Variants in PYGM observed in about 807,000 individuals in gnomAD.
The protein encoded by PYGM is glycogen phosphorylase, muscle associated, also known as glycogen phosphorylase, muscle form.
PYGM carries 81 observed loss-of-function variants against 99.3 expected under a neutral mutation model. The ratio of observed to expected loss-of-function variants is 0.82; its 90% confidence interval spans 0.68 to 0.98. PYGM has a LOEUF of 0.98. PYGM is among the 50% of genes least tolerant of loss of function. The pLI, the probability that PYGM is intolerant of heterozygous loss-of-function variation, is 0.00. For synonymous variants in PYGM, 436 were observed against 451.5 expected, an observed-to-expected ratio of 0.97 and a Z score of 0.44; for missense variants, 1,030 against 1,158.1, an observed-to-expected ratio of 0.89 and a Z score of 1.61.
rs1251258706 is a variant in PYGM, at chr11:64,746,975, G to A, written c.2325C>T (p.Phe775=). ...ATTTAATGTAGTCTTCATAATCTGCGAAGACTTTAAACCTGGAGGGGAAAG... is the reference window on the plus strand; with the variant it reads ...ATTTAATGTAGTCTTCATAATCTGCAAAGACTTTAAACCTGGAGGGGAAAG... ...MLMHHDRFKV[F]ADYEDYIKCQ... Residue 775 remains phenylalanine, a synonymous_variant, in exon 19 of 20, where the codon TTC becomes TTT. Transcript: ENST00000164139. 6 of 1,614,014 alleles carry A rather than the reference G, an allele frequency of 3.7e-6. No individual in the cohort carries two copies. The highest frequency in any genetic ancestry group is 5.1e-6 in the Non-Finnish European group (6 of 1,180,016).
At position 64,754,705 on chromosome 11, in the gene PYGM, G is replaced by A. The variant is rs1565536189; in HGVS notation, c.987C>T (p.Ala329=). The A allele has an allele frequency of 6.2e-7, 1 of 1,613,658 alleles. No individual in the cohort carries two copies. The highest frequency in any genetic ancestry group is 8.5e-7 in the Non-Finnish European group (1 of 1,179,972). The part of the protein sequence containing the change: ...CRDPVRTNFD[A]FPDKVAIQLN... ...ACACGCATGGTACCTTATCTGGGAA[G>A]GCATCGAAGTTCGTGCGCACGGGAT... is the stretch of plus-strand genomic sequence containing the variant. The change falls in exon 8 of 20, where the codon GCC becomes GCT. Residue 329 remains alanine, a synonymous_variant. Transcript: ENST00000164139. The surrounding 1 kb of genome is among the most constrained non-coding windows in gnomAD (Gnocchi z 5.5).
chr11:64,758,238 C>T lies in PYGM; in HGVS notation c.528+8G>A. On this transcript the variant is annotated splice_region_variant and intron_variant, in intron 4 of 19. Coordinates refer to ENST00000164139, the MANE Select transcript of PYGM (RefSeq NM_005609.4). The stretch of plus-strand genomic sequence containing the variant: ...TAGACCCCACAAGTTAGAGCCAAGG[C>T]TGCTCACCTGCCAGCCCCCGGAGAT... 6.2e-7 allele frequency: 1 copy of T among 1,604,650 alleles called. No homozygotes were observed. Among genetic ancestry groups the T allele is most frequent in the Non-Finnish European group, 8.5e-7 (1 of 1,171,374 alleles).
Position 64,753,682 on chromosome 11 carries a change from G to A in PYGM, c.1240C>T (p.Arg414Trp), listed in dbSNP as rs11231866. ...IYEINQRFLN[R>W]VAAAFPGDVD... ...TCCCCTGGGAATGCGGCCGCCACCC[G>A]CTGTGCCCAGAGAGCCCAGAGCTAG... The change falls in exon 11 of 20, where the codon CGG becomes TGG. Residue 414 changes from arginine (R) to tryptophan (W), a missense_variant and splice_region_variant. By Grantham distance (101) the Arg-to-Trp change is moderately radical. Coordinates refer to ENST00000164139, the MANE Select transcript of PYGM (RefSeq NM_005609.4). The A allele has an allele frequency of 1.2e-5, 19 of 1,605,338 alleles. No individual in the cohort carries two copies. The highest frequency in any genetic ancestry group is 2.2e-5 in the South Asian group (2 of 90,104).
Position 64,750,478 on chromosome 11 carries a change from G to C in PYGM, c.2075C>G (p.Thr692Ser). 1 of 1,614,192 alleles carries C rather than the reference G, an allele frequency of 6.2e-7. No individual in the cohort carries two copies. Among genetic ancestry groups the C allele is most frequent in the Middle Eastern group, 1.6e-4 (1 of 6,062 alleles). ...CATCTCCACATTGGCCCCGTCCATGGTGCCAATGGTCAGAGCCCCGTTGAG... is the reference window on the plus strand; with the variant it reads ...CATCTCCACATTGGCCCCGTCCATGCTGCCAATGGTCAGAGCCCCGTTGAG... ...FMLNGALTIG[T>S]MDGANVEMAE... The change falls in exon 17 of 20, where the codon ACC becomes AGC. Residue 692 changes from threonine (T) to serine (S), a missense_variant. Physicochemically the swap from Thr to Ser is moderately conservative, Grantham distance 58. Transcript: ENST00000164139.
At chr11:64,752,314 G>A in intron 13 of PYGM, 89 bp downstream of exon 13, 3 of 1,489,144 alleles carry the variant, frequency 2.0e-6, no homozygotes, top group South Asian at 1.1e-5. Flanking sequence ...CAGGAGAGAT[G>A]AGCTCTATTT....
At chr11:64,750,664 C>T in intron 16 of PYGM, 81 bp from the exon 17 acceptor site, 1 of 1,391,424 alleles carries the variant, frequency 7.2e-7, no homozygotes, top group South Asian at 1.2e-5. Context: ...AGGCTGGCCC[C>T]AGGCATAGCT....
upstream of PYGM, chr11:64,760,080 A>C (rs1190903105): frequency 3.1e-6 from 3 of 969,588 alleles, no homozygotes; most frequent in Middle Eastern, 6.4e-4. Context: ...AGCTATTTTG[A>C]GGGCAAGGGG....
intron 16 of PYGM, 51 bp from the exon 17 acceptor site, chr11:64,750,634 C>A: frequency 1.3e-6 from 2 of 1,562,882 alleles, no homozygotes; most frequent in South Asian, 1.1e-5. Context: ...ACCCTCACAC[C>A]AGCTGGGGAC....
At chr11:64,756,139 C>T (rs559168465) in intron 5 of PYGM, among the ~76,000 whole-genome samples, 3 of 152,346 alleles carry the variant, frequency 2.0e-5, no homozygotes, top group Non-Finnish European at 4.4e-5. Flanking sequence ...CATCGCCCTC[C>T]CTCCCCACAT....
At chr11:64,751,682 G>A in intron 14 of PYGM, 27 bp from the exon 15 acceptor site, 1 of 1,613,578 alleles carries the variant, frequency 6.2e-7, no homozygotes, top group Non-Finnish European at 8.5e-7. Flanking sequence ...GGGATCCAGT[G>A]GGCCTACCTT....
At position 64,752,087 on chromosome 11, in the gene PYGM, G is replaced by A; in HGVS notation, c.1621-16C>T. 1 of 1,613,990 alleles carries A rather than the reference G, an allele frequency of 6.2e-7. No individual in the cohort carries two copies. The highest frequency in any genetic ancestry group is 8.5e-7 in the Non-Finnish European group (1 of 1,179,994). On this transcript the variant is annotated splice_polypyrimidine_tract_variant and intron_variant, in intron 13 of 19. Transcript: ENST00000164139. ...ACTTGTTTTCCTGGAGGCAGAGACGGGGAAGGGCTCACCAACAGGCCACAG... is the reference window on the plus strand; with the variant it reads ...ACTTGTTTTCCTGGAGGCAGAGACGAGGAAGGGCTCACCAACAGGCCACAG...
At chr11:64,758,756 A>G (rs1347670782) in intron 1 of PYGM, 52 bp from the exon 2 acceptor site, 1 of 1,487,632 alleles carries the variant, frequency 6.7e-7, no homozygotes, top group Non-Finnish European at 9.4e-7. Flanking sequence ...ACACACCAAC[A>G]CTCAGCCAGG....
chr11:64,757,997 G>A, intron 4 of PYGM, 87 bp from the exon 5 acceptor site: 1 of 1,572,438 alleles, frequency 6.4e-7, no homozygotes, highest in East Asian at 2.3e-5. Context: ...GGGGCCGTGG[G>A]CCGGTGTACC....
chr11:64,760,685 C>A (rs1271110361), upstream of PYGM, among the ~76,000 whole-genome samples: 1 of 152,226 alleles, frequency 6.6e-6, no homozygotes, highest in African/African-American at 2.4e-5. Context: ...ATTCCCCACT[C>A]CATCATCATA....
At chr11:64,751,755 A>G in intron 14 of PYGM, 100 bp from the exon 15 acceptor site, 2 of 1,530,666 alleles carry the variant, frequency 1.3e-6, no homozygotes, top group Non-Finnish European at 1.8e-6. Flanking sequence ...GACTCGAACA[A>G]TCACTTGCTA....
At position 64,754,386 on chromosome 11, in the gene PYGM, T is replaced by C. The variant is rs759901290; in HGVS notation, c.1000-41A>G. ...GGGTCAGTCTGGGCTCCAAACCACA[T>C]TCCATGCTATGGTCACTGCCCTATG... On this transcript the variant is annotated intron_variant, in intron 8 of 19. Transcript: ENST00000164139. The surrounding 1 kb of genome is among the most constrained non-coding windows in gnomAD (Gnocchi z 5.5). 1 of 1,481,914 alleles carries C rather than the reference T, an allele frequency of 6.7e-7. No individual in the cohort carries two copies. Among genetic ancestry groups the C allele is most frequent in the South Asian group, 1.1e-5 (1 of 88,326 alleles). The allele number at this position is 1,481,914 out of a possible 1,614,324, so 91.8% of individuals were successfully genotyped here.
rs1592409772 is a variant in PYGM, at chr11:64,752,069, T to C, written c.1623A>G (p.Glu541=). The change falls in exon 14 of 20, where the codon GAA becomes GAG. Residue 541 remains glutamate (E), a splice_region_variant and synonymous_variant. Coordinates refer to ENST00000164139, the MANE Select transcript of PYGM (RefSeq NM_005609.4). ...FIRDVAKVKQ[E]NKLKFAAYLE... ...GGTAGGCAGCAAACTTCAACTTGTTTTCCTGGAGGCAGAGACGGGGAAGGG... is the reference window on the plus strand; with the variant it reads ...GGTAGGCAGCAAACTTCAACTTGTTCTCCTGGAGGCAGAGACGGGGAAGGG... The C allele has an allele frequency of 1.9e-6, 3 of 1,614,082 alleles. No homozygotes were observed. The South Asian group carries it at 3.3e-5, about 18-fold the overall frequency.
chr11:64,747,139 C>G (rs2058317644), intron 18 of PYGM, 85 bp downstream of exon 18: 1 of 1,585,234 alleles, frequency 6.3e-7, no homozygotes, highest in Non-Finnish European at 8.7e-7. Context: ...ACTACCAGGA[C>G]CCGCGTCCGG....
In PYGM at chr11:64,746,722, G is replaced by A. The variant is rs778504471; in HGVS notation, c.2466C>T (p.Ala822=). ...FSSDRTIAQY[A]REIWGVEPSR... ...AAGGCTCCACACCCCAGATCTCCCG[G>A]GCATACTGGGCAATGGTGCGGTCAC... Residue 822 remains alanine, a synonymous_variant, in exon 20 of 20, where the codon GCC becomes GCT. Coordinates refer to ENST00000164139, the MANE Select transcript of PYGM (RefSeq NM_005609.4). The A allele has an allele frequency of 6.2e-6, 10 of 1,614,190 alleles. No homozygotes were observed. The South Asian group carries it at 1.1e-4, about 18-fold the overall frequency.
Sources: allele counts gnomAD v4.1 joint callset (sites outside exome capture counted in the v4.1 genomes callset), GRCh38; gene constraint gnomAD v4.1.1; non-coding constraint Gnocchi (gnomAD v3.1); transcripts MANE v1.5; gene names NCBI Gene and HGNC (gene_info 2026-07-23, HGNC 2026-07-21).